The following CLTCL1 variants were observed in gnomAD, a reference collection of about 807,000 sequenced individuals.
CLTCL1 encodes clathrin heavy chain 2.
CLTCL1 carries 159 observed loss-of-function variants against 190.0 expected under a neutral mutation model. That is an observed-to-expected ratio of 0.84 (90% CI 0.74 to 0.95). The LOEUF (loss-of-function observed/expected upper bound fraction) is 0.95, where lower values mean the gene tolerates loss of function less well. CLTCL1 is among the 40% of genes least tolerant of loss of function. The pLI is 0.00. For synonymous variants in CLTCL1, 752 were observed against 769.6 expected (o/e 0.98, Z 0.38); for missense variants, 1,878 against 2,033.4 (o/e 0.92, Z 1.47).
At chr22:19,252,159 T>G (rs2086612159) in intron 3 of CLTCL1, among the ~76,000 whole-genome samples, 1 of 152,232 alleles carries the variant, frequency 6.6e-6, no homozygotes, top group Admixed American at 6.5e-5. Context: ...GTATCTGCCT[T>G]TCAACTAGTC....
chr22:19,194,241 G>A, intron 26 of CLTCL1, among the ~76,000 whole-genome samples: 1 of 152,284 alleles, frequency 6.6e-6, no homozygotes, highest in African/African-American at 2.4e-5. Flanking sequence ...AGAAGTCCAG[G>A]TGGCGTCACC....
At chr22:19,188,996 T>C (rs548438302) in intron 27 of CLTCL1, among the ~76,000 whole-genome samples, 25 of 152,048 alleles carry the variant, frequency 1.6e-4, no homozygotes, top group Admixed American at 3.9e-4. Flanking sequence ...CTCTGCCTCC[T>C]GGGTTCAAGC....
Position 19,180,240 on chromosome 22 carries a change from TA to T in CLTCL1, c.4904-3del, listed in dbSNP as rs2084084697. The T allele has an allele frequency of 6.2e-7, 1 of 1,613,618 alleles. No homozygotes were observed. Among genetic ancestry groups the T allele is most frequent in the South Asian group, 1.1e-5 (1 of 91,074 alleles). ...GGTCTCATTCATGCCCATCAAAATC[TA>T]AAAAAACCAGAATGACATTAATGGT... On this transcript the variant is annotated splice_region_variant and splice_polypyrimidine_tract_variant and intron_variant, in intron 31 of 32. Transcript: ENST00000427926.
intron 31 of CLTCL1, 109 bp downstream of exon 31, chr22:19,180,622 A>ACC (rs1601412470): frequency 9.5e-6 from 10 of 1,056,074 alleles, no homozygotes; most frequent in Non-Finnish European, 1.4e-5. Context: ...TCCAGCCCCC[A>ACC]CCCATCTATT....
At chr22:19,188,800 G>T (rs1259857254) in intron 27 of CLTCL1, among the ~76,000 whole-genome samples, 1 of 151,908 alleles carries the variant, frequency 6.6e-6, no homozygotes, top group Admixed American at 6.6e-5. Context: ...TTTTAGTAGA[G>T]ACAGGGTTTC....
chr22:19,268,665 C>T (rs1555978997), intron 2 of CLTCL1, among the ~76,000 whole-genome samples: 1 of 151,974 alleles, frequency 6.6e-6, no homozygotes, highest in East Asian at 1.9e-4. Flanking sequence ...AGTACACAAC[C>T]ACTGGAATTG....
intron 19 of CLTCL1, 48 bp from the exon 20 acceptor site, chr22:19,210,557 A>C: frequency 6.4e-7 from 1 of 1,565,936 alleles, no homozygotes. Context: ...CGAAGGCTGC[A>C]CAAACCATTT....
At chr22:19,244,672 T>C (rs556757936) in intron 3 of CLTCL1, among the ~76,000 whole-genome samples, 22 of 152,238 alleles carry the variant, frequency 1.4e-4, no homozygotes, top group African/African-American at 3.9e-4. Context: ...ACAGCCAAGG[T>C]GAAGGTGAGA....
intron 11 of CLTCL1, among the ~76,000 whole-genome samples, chr22:19,226,736 T>C (rs1453632108): frequency 6.6e-6 from 1 of 152,098 alleles, no homozygotes; most frequent in Non-Finnish European, 1.5e-5. Context: ...ATTCTTTTTT[T>C]CCTTTTTTTT....
chr22:19,220,462 A>G (rs980542730), intron 17 of CLTCL1, among the ~76,000 whole-genome samples: 1 of 152,264 alleles, frequency 6.6e-6, no homozygotes, highest in Admixed American at 6.5e-5. Context: ...CTGGTATAAA[A>G]CAGCACAAAC....
intron 29 of CLTCL1, among the ~76,000 whole-genome samples, chr22:19,185,370 A>G (rs1461700654): frequency 2.1e-5 from 3 of 144,454 alleles, no homozygotes; most frequent in South Asian, 2.2e-4. Flanking sequence ...TCTGTCACCC[A>G]GGCTGGAGTG....
rs1555935730 is a variant in CLTCL1 at position 19,196,447 on chromosome 22, G to A, written c.4042-32C>T. 3 of 1,613,848 alleles carry A rather than the reference G, an allele frequency of 1.9e-6. No homozygotes were observed. The South Asian group carries it at 3.3e-5, about 18-fold the overall frequency. On this transcript the variant is annotated intron_variant, in intron 25 of 32. Coordinates refer to ENST00000427926, the MANE Select transcript of CLTCL1 (RefSeq NM_007098.4). ...AAGGAGGTCAGGGTCGGCTTGTGCT[G>A]CACGTGGCCACGGCTGCCAGACTGC...
At chr22:19,236,330 C>G (rs2086080949) in intron 5 of CLTCL1, among the ~76,000 whole-genome samples, 1 of 152,196 alleles carries the variant, frequency 6.6e-6, no homozygotes, top group South Asian at 2.1e-4. Context: ...TATCGAACCC[C>G]TTTAAGCAAG....
chr22:19,202,296 G>T (rs1259684743), intron 22 of CLTCL1, among the ~76,000 whole-genome samples: 1 of 152,010 alleles, frequency 6.6e-6, no homozygotes, highest in Non-Finnish European at 1.5e-5. Context: ...GAACCCCAAA[G>T]TGCTGATGGG....
chr22:19,203,862 T>G (rs1050172124), intron 22 of CLTCL1, among the ~76,000 whole-genome samples: 3 of 152,160 alleles, frequency 2.0e-5, no homozygotes, highest in African/African-American at 7.2e-5. Context: ...CCTCACACAC[T>G]GTCCCCACAC....
At chr22:19,202,461 A>C in intron 22 of CLTCL1, among the ~76,000 whole-genome samples, 4 of 102,622 alleles carry the variant, frequency 3.9e-5, no homozygotes, top group Non-Finnish European at 8.3e-5. Flanking sequence ...CACCTCCCGC[A>C]CCACCCCTCC....
intron 4 of CLTCL1, among the ~76,000 whole-genome samples, chr22:19,241,493 C>T (rs2086252631): frequency 6.6e-6 from 1 of 152,206 alleles, no homozygotes; most frequent in African/African-American, 2.4e-5. Flanking sequence ...AAGTATGTTA[C>T]TCAACAGGAG....
At chr22:19,227,178 C>T (rs1224928977) in intron 11 of CLTCL1, among the ~76,000 whole-genome samples, 1 of 151,708 alleles carries the variant, frequency 6.6e-6, no homozygotes, top group Non-Finnish European at 1.5e-5. Flanking sequence ...TTTGTGCTTA[C>T]TAGACTTCTC....
intron 26 of CLTCL1, among the ~76,000 whole-genome samples, chr22:19,193,165 G>A (rs1055196667): frequency 2.6e-5 from 4 of 152,242 alleles, no homozygotes; most frequent in Non-Finnish European, 5.9e-5. Context: ...GGTATCACGC[G>A]AGTGGACAGA....
Sources: gnomAD v4.1 joint callset for allele counts (sites outside exome capture counted in the v4.1 genomes callset) on GRCh38, gnomAD v4.1.1 for gene constraint, MANE v1.5 for transcripts, NCBI Gene and HGNC (gene_info 2026-07-23, HGNC 2026-07-21) for gene names.